Variants in GPRC5D observed in about 807,000 individuals in gnomAD.
GPRC5D encodes the protein G protein-coupled receptor class C group 5 member D, also known as G protein-coupled receptor family C group 5 member D.
GPRC5D carries 20 observed loss-of-function variants against 29.3 expected under a neutral mutation model. That is an observed-to-expected ratio of 0.68 (90% CI 0.48 to 0.99). The LOEUF is 0.99. Ranked by LOEUF, GPRC5D falls within the 50% of genes least tolerant of loss-of-function variation. The probability of loss-of-function intolerance (pLI) is 0.00; values close to 1 mark genes in which losing one functional copy is unlikely to be tolerated. For synonymous variants in GPRC5D, 178 were observed against 171.3 expected (o/e 1.04, Z -0.30); for missense variants, 384 against 423.6 (o/e 0.91, Z 0.82).
intron 2 of GPRC5D, among the ~76,000 whole-genome samples, chr12:12,941,587 T>TG (rs1863147749): frequency 1.3e-5 from 2 of 152,204 alleles, no homozygotes; most frequent in African/African-American, 4.8e-5. Context: ...GCTTTCACGT[T>TG]GGGGCTTTAG....
chr12:12,941,864 G>C (rs1472048577), intron 2 of GPRC5D, among the ~76,000 whole-genome samples: 1 of 152,186 alleles, frequency 6.6e-6, no homozygotes, highest in African/African-American at 2.4e-5. Flanking sequence ...GTGGGGCTCA[G>C]GTGATAGGTT....
At chr12:12,944,112 C>T (rs1447278805) in intron 1 of GPRC5D, among the ~76,000 whole-genome samples, 1 of 152,070 alleles carries the variant, frequency 6.6e-6, no homozygotes, top group African/African-American at 2.4e-5. Flanking sequence ...GCTCTCACTC[C>T]CTGAATTTGT....
chr12:12,940,791 T>C (rs1043275871), exon 3 of GPRC5D: 1 of 1,604,096 alleles, frequency 6.2e-7, no homozygotes, highest in African/African-American at 1.3e-5. Flanking sequence ...TCCTCCTGCA[T>C]CTTGCTGGGG....
intron 1 of GPRC5D, chr12:12,947,065 T>C (rs113334393): frequency 2.6e-5 from 4 of 152,376 alleles, no homozygotes; most frequent in African/African-American, 9.6e-5. Flanking sequence ...ATCATCTTTG[T>C]TGGGTTCTGC....
chr12:12,941,973 T>G (rs1457097842), intron 2 of GPRC5D, among the ~76,000 whole-genome samples: 1 of 152,228 alleles, frequency 6.6e-6, no homozygotes, highest in East Asian at 1.9e-4. Flanking sequence ...CTCTTCACCT[T>G]CACACAGAAG....
intron 1 of GPRC5D, among the ~76,000 whole-genome samples, chr12:12,946,365 CTTTTCT>C (rs1233103446): frequency 7.5e-4 from 97 of 129,560 alleles, no homozygotes; most frequent in African/African-American, 2.6e-3. Flanking sequence ...TTCTTTCTTT[CTTTTCT>C]TTCTTTCTTT....
At chr12:12,943,985 G>A (rs2136492261) in intron 1 of GPRC5D, among the ~76,000 whole-genome samples, 1 of 152,270 alleles carries the variant, frequency 6.6e-6, no homozygotes, top group East Asian at 1.9e-4. Flanking sequence ...TAAAGATGAG[G>A]AATCTGAGGC....
chr12:12,940,903 T>C (rs956969315), intron 2 of GPRC5D, 54 bp from the exon 4 acceptor site: 14 of 1,167,748 alleles, frequency 1.2e-5, no homozygotes, highest in Admixed American at 5.1e-5. Flanking sequence ...AGAAATGATA[T>C]TCTCCAAAGT....
chr12:12,949,701 G>GA lies in GPRC5D; in HGVS notation c.683_684insT (p.Gln230AlafsTer32). 2 of 1,607,158 alleles carry GA rather than the reference G, an allele frequency of 1.2e-6. No individual in the cohort carries two copies. The highest frequency in any genetic ancestry group is 2.2e-5 in the South Asian group (2 of 90,752). The stretch of plus-strand genomic sequence containing the variant: ...ACTGGGGCTGTCGCTGGAACTGCGG[G>GA]TTGCCTCTCAGGAGCATGGAGATCC... On this transcript the variant is annotated frameshift_variant, in exon 1 of 3. Coordinates refer to ENST00000228887, the Ensembl canonical transcript of GPRC5D. LOFTEE classifies it high-confidence loss of function.
At chr12:12,950,011 GAGA>G (rs780080939) in exon 1 of GPRC5D, 90 of 1,614,170 alleles carry the variant, frequency 5.6e-5, no homozygotes, top group Non-Finnish European at 7.0e-5. Flanking sequence ...TGTCGTCCAG[GAGA>G]AGGAGACACA....
At chr12:12,950,187 G>C (rs746494142) in exon 1 of GPRC5D, 2 of 1,613,828 alleles carry the variant, frequency 1.2e-6, no homozygotes, top group Non-Finnish European at 1.7e-6. Context: ...CACTCAGGAG[G>C]AAGAGGAGCT....
At chr12:12,943,853 T>C (rs1449411577) in intron 1 of GPRC5D, among the ~76,000 whole-genome samples, 2 of 152,192 alleles carry the variant, frequency 1.3e-5, no homozygotes, top group Admixed American at 6.5e-5. Context: ...TTCATGAGTT[T>C]ACCAAAAGGC....
intron 1 of GPRC5D, among the ~76,000 whole-genome samples, chr12:12,946,794 T>G (rs538335944): frequency 6.6e-6 from 1 of 152,186 alleles, no homozygotes; most frequent in South Asian, 2.1e-4. Flanking sequence ...CTTGTCCTAC[T>G]CTCCTTTTAG....
intron 1 of GPRC5D, among the ~76,000 whole-genome samples, chr12:12,946,337 CTT>C (rs1372691876): frequency 1.3e-5 from 2 of 149,020 alleles, no homozygotes; most frequent in African/African-American, 2.5e-5. Flanking sequence ...TTCTTTCTTT[CTT>C]TCTTTCTTTC....
At chr12:12,942,218 C>T (rs755475721) in intron 2 of GPRC5D, 43 bp downstream of exon 3, 1 of 1,252,824 alleles carries the variant, frequency 8.0e-7, no homozygotes, top group Non-Finnish European at 1.2e-6. Flanking sequence ...GGAAGGAATG[C>T]TTGCTAAGTC....
chr12:12,950,148 G>A lies in GPRC5D; in HGVS notation c.237C>T (p.Ala79=), dbSNP rs1459548235. 1.9e-6 allele frequency: 3 copies of A among 1,613,998 alleles called. No homozygotes were observed. In the African/African-American group the frequency reaches 4.0e-5, roughly 22 times the overall value. ...TTTGTTGATTGAGCTCGATGATGAA[G>A]GCAAAAGCGAGTCCGAAGAGCCCCA... Residue 79 remains alanine, a synonymous_variant, in exon 1 of 3, where the codon GCC becomes GCT. Transcript: ENST00000228887.
intron 1 of GPRC5D, among the ~76,000 whole-genome samples, chr12:12,947,803 C>T (rs776392005): frequency 3.9e-5 from 6 of 152,146 alleles, no homozygotes; most frequent in African/African-American, 9.7e-5. Flanking sequence ...GTGGTCCAGC[C>T]GCCTCGGCCT....
At position 12,948,815 on chromosome 12, in the gene GPRC5D, A is replaced by G. The variant is rs115021141; in HGVS notation, c.895+675T>C. Among the ~76,000 whole-genome samples, 1,418 of 152,334 alleles carry G rather than the reference A, an allele frequency of 9.3e-3. 25 individuals carry two copies. Among genetic ancestry groups the G allele is most frequent in the African/African-American group, 0.033 (1,353 of 41,576 alleles). ...ATCAAAATATGACCCAGAAATTATT[A>G]TGAAAATGTCACATAAGCAAGTTAC... On this transcript the variant is annotated intron_variant, in intron 1 of 2. Transcript: ENST00000228887.
chr12:12,942,996 T>A (rs945995244), intron 1 of GPRC5D, among the ~76,000 whole-genome samples: 1 of 152,136 alleles, frequency 6.6e-6, no homozygotes, highest in Non-Finnish European at 1.5e-5. Flanking sequence ...TTCAAAAATT[T>A]AAAAATTTTG....
Sources: allele counts gnomAD v4.1 joint callset (sites outside exome capture counted in the v4.1 genomes callset), GRCh38; gene constraint gnomAD v4.1.1; transcripts MANE v1.5; gene names NCBI Gene and HGNC (gene_info 2026-07-23, HGNC 2026-07-21).